Variants in RPA1 observed in about 807,000 individuals in gnomAD.
RPA1 encodes the protein replication protein A1, also known as replication protein A 70 kDa DNA-binding subunit.
RPA1 carries 49 observed loss-of-function variants against 83.0 expected under a neutral mutation model. The ratio of observed to expected loss-of-function variants is 0.59; its 90% confidence interval spans 0.47 to 0.75. The LOEUF (loss-of-function observed/expected upper bound fraction) is 0.75. Ranked by LOEUF, RPA1 falls within the 30% of genes least tolerant of loss-of-function variation. The pLI, the probability that RPA1 is intolerant of heterozygous loss-of-function variation, is 0.00. For synonymous variants in RPA1, 279 were observed against 281.8 expected, an observed-to-expected ratio of 0.99 and a Z score of 0.10; for missense variants, 693 against 776.1, an observed-to-expected ratio of 0.89 and a Z score of 1.27.
At chr17:1,849,855 A>G (rs1039657828) in intron 4 of RPA1, among the ~76,000 whole-genome samples, 1 of 152,086 alleles carries the variant, frequency 6.6e-6, no homozygotes, top group African/African-American at 2.4e-5. Context: ...TCTTGATATG[A>G]TCATATTTAA....
At position 1,888,722 on chromosome 17, in the gene RPA1, G is replaced by A. The variant is rs760237248; in HGVS notation, c.1422G>A (p.Glu474=). 9 of 1,614,100 alleles carry A rather than the reference G, an allele frequency of 5.6e-6. No homozygotes were observed. The East Asian group carries it at 2.0e-4, about 36-fold the overall frequency. The change falls in exon 14 of 17, where the codon GAG becomes GAA. Residue 474 remains glutamate, a synonymous_variant. Transcript: ENST00000254719. Reference sequence around the variant, plus strand: ...CCACAGTGGTGTATCTTCGCAAAGAGAACTGCATGTACCAAGCCTGCCCGA... The same window carrying A: ...CCACAGTGGTGTATCTTCGCAAAGAAAACTGCATGTACCAAGCCTGCCCGA... ...SVATVVYLRK[E]NCMYQACPTQ...
rs142666685 is a variant in RPA1, at chr17:1,866,060, A to G, written c.362-6374A>G. On this transcript the variant is annotated intron_variant, in intron 5 of 16. Coordinates refer to ENST00000254719, the MANE Select transcript of RPA1 (RefSeq NM_002945.5). ...GTTTAAGACCAGCCTGGGCAACATG[A>G]CGAAACCCTGTCTCTACCAAAAATA... Among the ~76,000 whole-genome samples, 1,125 of 152,062 alleles carry G rather than the reference A, an allele frequency of 7.4e-3. 9 individuals carry two copies. The highest frequency in any genetic ancestry group is 0.041 in the Middle Eastern group (12 of 294).
intron 3 of RPA1, 72 bp downstream of exon 3, chr17:1,844,070 C>A: frequency 7.1e-7 from 1 of 1,402,458 alleles, no homozygotes; most frequent in Non-Finnish European, 1.0e-6. Context: ...CCTTTGGTTG[C>A]CATAATTTGG....
rs535175685 is a variant in RPA1 at position 1,877,397 on chromosome 17, C to T, written c.690+83C>T. ...TCAGCTCTGCGGAGGGCAGTGGGCT[C>T]GCTGGGAAACAGAAGGCTCAGCTCT... On this transcript the variant is annotated intron_variant, in intron 8 of 16. Coordinates refer to ENST00000254719, the MANE Select transcript of RPA1 (RefSeq NM_002945.5). 2.3e-4 allele frequency: 278 copies of T among 1,205,388 alleles called. 2 individuals carry two copies. In the Middle Eastern group the frequency reaches 2.8e-3, roughly 12 times the overall value. 74.7% of individuals were successfully genotyped at this position (1,205,388 alleles called of 1,614,324 possible).
At chr17:1,879,084 A>G in intron 9 of RPA1, 23 bp downstream of exon 9, 1 of 1,613,956 alleles carries the variant, frequency 6.2e-7, no homozygotes, top group East Asian at 2.2e-5. Context: ...TGACTTTAGA[A>G]CTGACACCGC....
rs1914540501 is a variant in RPA1, at chr17:1,898,672, G to A, written c.*1497G>A. On this transcript the variant is annotated 3_prime_UTR_variant, in exon 17 of 17. Coordinates refer to ENST00000254719, the MANE Select transcript of RPA1 (RefSeq NM_002945.5). The stretch of plus-strand genomic sequence containing the variant: ...GGGGCCAGCCAGCCCTAGACGGGAT[G>A]ACTTCCGTTCCTGAGGACAGACACA... The A allele has an allele frequency of 6.6e-6, 1 of 152,202 alleles. No homozygotes were observed. Among genetic ancestry groups the A allele is most frequent in the African/African-American group, 2.4e-5 (1 of 41,424 alleles). 9.4% of individuals were successfully genotyped at this position (152,202 alleles called of 1,614,324 possible).
At chr17:1,896,101 C>A (rs1411702676) in intron 16 of RPA1, among the ~76,000 whole-genome samples, 2 of 152,112 alleles carry the variant, frequency 1.3e-5, no homozygotes, top group East Asian at 3.8e-4. Flanking sequence ...CTGTGGTTAC[C>A]CTATTTTGCC....
chr17:1,840,755 A>T (rs1912016146), intron 1 of RPA1, among the ~76,000 whole-genome samples: 1 of 152,104 alleles, frequency 6.6e-6, no homozygotes, highest in Non-Finnish European at 1.5e-5. Context: ...TATACTGTTA[A>T]ATATATCCCT....
At chr17:1,897,042 G>T in intron 16 of RPA1, 29 bp from the exon 17 acceptor site, 1 of 1,542,582 alleles carries the variant, frequency 6.5e-7, no homozygotes, top group Non-Finnish European at 8.8e-7. Flanking sequence ...CACTTTCACT[G>T]CTCACAAACT....
At chr17:1,873,268 G>A (rs572950560) in intron 6 of RPA1, among the ~76,000 whole-genome samples, 102 of 152,286 alleles carry the variant, frequency 6.7e-4, no homozygotes, top group African/African-American at 2.4e-3. Context: ...CAATTTCATG[G>A]ATGAGAAATG....
Position 1,861,847 on chromosome 17 carries a change from C to T in RPA1, c.361+8658C>T, listed in dbSNP as rs140041532. On this transcript the variant is annotated intron_variant, in intron 5 of 16. Coordinates refer to ENST00000254719, the MANE Select transcript of RPA1 (RefSeq NM_002945.5). ...CAAGCAATCCTCCTTGCCTCAGCCTCCTCAGTAGCTGGGATTACAGGCGTG... is the reference window on the plus strand; with the variant it reads ...CAAGCAATCCTCCTTGCCTCAGCCTTCTCAGTAGCTGGGATTACAGGCGTG... Among the ~76,000 whole-genome samples the T allele has an allele frequency of 1.3e-3, 198 of 152,154 alleles. 2 individuals carry two copies. The East Asian group carries it at 0.031, about 23-fold the overall frequency.
chr17:1,862,797 C>T (rs1400060696), intron 5 of RPA1, among the ~76,000 whole-genome samples: 1 of 144,486 alleles, frequency 6.9e-6, no homozygotes, highest in African/African-American at 2.6e-5. Flanking sequence ...TCTCCGCTCA[C>T]TGCAACCTCC....
At chr17:1,869,287 A>G (rs1377069182) in intron 5 of RPA1, among the ~76,000 whole-genome samples, 1 of 151,418 alleles carries the variant, frequency 6.6e-6, no homozygotes, top group Non-Finnish European at 1.5e-5. Context: ...CTGTAATCCC[A>G]GCACTTTGGG....
chr17:1,882,451 T>G (rs1913830687), intron 12 of RPA1, among the ~76,000 whole-genome samples: 1 of 151,890 alleles, frequency 6.6e-6, no homozygotes, highest in South Asian at 2.1e-4. Context: ...GGCCAGGAGT[T>G]CAAGACCAGC....
At chr17:1,833,436 T>C (rs1051504190) in intron 1 of RPA1, among the ~76,000 whole-genome samples, 1 of 152,200 alleles carries the variant, frequency 6.6e-6, no homozygotes, top group African/African-American at 2.4e-5. Context: ...GGAAGAACTA[T>C]TGTTGGACTC....
intron 12 of RPA1, among the ~76,000 whole-genome samples, chr17:1,883,061 C>G (rs1913855362): frequency 1.3e-5 from 2 of 152,208 alleles, no homozygotes; most frequent in African/African-American, 4.8e-5. Flanking sequence ...GCCTCACGCC[C>G]TGTAATCCCA....
At chr17:1,842,759 G>A in intron 1 of RPA1, 44 bp from the exon 2 acceptor site, 1 of 1,543,304 alleles carries the variant, frequency 6.5e-7, no homozygotes, top group Non-Finnish European at 9.0e-7. Context: ...TTTTCATCAT[G>A]ATTTGAGTGC....
At chr17:1,857,165 A>G (rs1221709955) in intron 5 of RPA1, among the ~76,000 whole-genome samples, 1 of 151,362 alleles carries the variant, frequency 6.6e-6, no homozygotes, top group Non-Finnish European at 1.5e-5. Context: ...AATTCATAAT[A>G]CTTTCTTATT....
intron 1 of RPA1, among the ~76,000 whole-genome samples, chr17:1,831,865 T>C (rs377578242): frequency 2.5e-4 from 37 of 150,248 alleles, no homozygotes; most frequent in East Asian, 1.6e-3. Context: ...TCCCAAAGTG[T>C]TGGGGTTACA....
Sources: gnomAD v4.1 joint callset for allele counts (sites outside exome capture counted in the v4.1 genomes callset) on GRCh38, gnomAD v4.1.1 for gene constraint, MANE v1.5 for transcripts, NCBI Gene and HGNC (gene_info 2026-07-23, HGNC 2026-07-21) for gene names.